GTF3C1: variants seen among roughly 807,000 people sequenced by gnomAD.
The protein encoded by GTF3C1 is general transcription factor 3C polypeptide 1.
A neutral mutation model predicts 226.7 loss-of-function variants in GTF3C1; 57 were observed. That is an observed-to-expected ratio of 0.25 (90% CI 0.20 to 0.31). GTF3C1 has a LOEUF of 0.31. GTF3C1 is among the 10% of genes least tolerant of loss of function. GTF3C1 has a pLI of 1.00. For missense variants in GTF3C1, 2,217 were observed against 2,776.1 expected (o/e 0.80, Z 4.53); for synonymous variants, 1,090 against 1,084.8 (o/e 1.00, Z -0.09).
intron 6 of GTF3C1, 43 bp downstream of exon 6, chr16:27,528,555 G>A: frequency 6.5e-7 from 1 of 1,544,704 alleles, no homozygotes; most frequent in African/African-American, 1.4e-5. Context: ...ACAGAAGTGA[G>A]AGCCAGCCAG....
chr16:27,549,538 G>A (rs867624300), intron 1 of GTF3C1, 132 bp downstream of exon 1: 4 of 626,304 alleles, frequency 6.4e-6, no homozygotes, highest in Non-Finnish European at 1.1e-5. Flanking sequence ...CCTTACCGCC[G>A]TGCCCCAACT....
At chr16:27,519,187 AAAGG>A (rs1410270894) in intron 6 of GTF3C1, among the ~76,000 whole-genome samples, 9 of 152,190 alleles carry the variant, frequency 5.9e-5, no homozygotes, top group Admixed American at 2.0e-4. Context: ...GTTCCAGGCA[AAAGG>A]AAGGGTATGA....
At chr16:27,489,869 G>A (rs1164304012) in intron 19 of GTF3C1, 126 bp from the exon 20 acceptor site, 12 of 842,534 alleles carry the variant, frequency 1.4e-5, no homozygotes, top group African/African-American at 1.7e-5. Context: ...CGGCCACTGC[G>A]GGGGTCTGAG....
chr16:27,538,416 A>T, intron 2 of GTF3C1, 60 bp from the exon 3 acceptor site: 1 of 1,062,894 alleles, frequency 9.4e-7, no homozygotes, highest in Non-Finnish European at 1.4e-6. Flanking sequence ...GAAAACTGAG[A>T]TAAGAAAAAG....
intron 2 of GTF3C1, among the ~76,000 whole-genome samples, chr16:27,540,305 A>G (rs570655069): frequency 2.1e-4 from 32 of 152,404 alleles, no homozygotes; most frequent in African/African-American, 7.2e-4. Flanking sequence ...TACACGACAG[A>G]AAGTCCACTT....
At position 27,486,236 on chromosome 16, in the gene GTF3C1, C is replaced by A. The variant is rs186277800; in HGVS notation, c.3701-82G>T. ...ACTCTGCAGAGGGGCAGGTTCCCTA[C>A]CCAGCCAGTGAGATGTGACTAATGG... is the stretch of plus-strand genomic sequence containing the variant. On this transcript the variant is annotated intron_variant, in intron 23 of 36. Coordinates refer to ENST00000356183, the MANE Select transcript of GTF3C1 (RefSeq NM_001520.4). 7.0e-4 allele frequency: 518 copies of A among 741,756 alleles called. No homozygotes were observed. In the African/African-American group the frequency reaches 7.2e-3, roughly 10 times the overall value. The allele number at this position is 741,756 out of a possible 1,614,324, so 45.9% of individuals were successfully genotyped here.
chr16:27,515,072 C>G (rs747937116), intron 6 of GTF3C1, among the ~76,000 whole-genome samples: 3 of 152,058 alleles, frequency 2.0e-5, no homozygotes, highest in Non-Finnish European at 2.9e-5. Flanking sequence ...AAAATAAACA[C>G]GGGTGGAAGG....
chr16:27,543,204 G>C (rs897449984), intron 2 of GTF3C1, among the ~76,000 whole-genome samples: 2 of 152,174 alleles, frequency 1.3e-5, no homozygotes, highest in African/African-American at 4.8e-5. Context: ...TAGCCAAGAT[G>C]GTGAAACCGA....
At chr16:27,517,616 CAA>C (rs2088679343) in intron 6 of GTF3C1, among the ~76,000 whole-genome samples, 1 of 152,102 alleles carries the variant, frequency 6.6e-6, no homozygotes, top group Admixed American at 6.5e-5. Context: ...ATTAGCAGTC[CAA>C]CACAAAGGAA....
intron 26 of GTF3C1, 51 bp from the exon 27 acceptor site, chr16:27,481,242 G>A: frequency 6.6e-7 from 1 of 1,520,388 alleles, no homozygotes; most frequent in Admixed American, 1.7e-5. Context: ...CCTAAAGGGA[G>A]GTTTTGCTAA....
Position 27,471,657 on chromosome 16 carries a change from G to T in GTF3C1, c.4526+91C>A. ...CTGCGAAGGTCCCTGGCTCCTACAC[G>T]CTTTCATGGCCACAGTGCTTCCTTT... is the stretch of plus-strand genomic sequence containing the variant. On this transcript the variant is annotated intron_variant, in intron 30 of 36. Coordinates refer to ENST00000356183, the MANE Select transcript of GTF3C1 (RefSeq NM_001520.4). This position sits in a 1 kb window ranked among gnomAD's most constrained non-coding sequence, Gnocchi z 5.0. 1.9e-6 allele frequency: 2 copies of T among 1,049,758 alleles called. No homozygotes were observed. The highest frequency in any genetic ancestry group is 1.4e-6 in the Non-Finnish European group (1 of 694,892). 65.0% of individuals were successfully genotyped at this position (1,049,758 alleles called of 1,614,324 possible). A position where few individuals can be genotyped will look rare whatever the true frequency, so the allele number is the denominator to read the frequency against.
At chr16:27,517,986 T>C (rs2088686244) in intron 6 of GTF3C1, among the ~76,000 whole-genome samples, 1 of 152,166 alleles carries the variant, frequency 6.6e-6, no homozygotes, top group Non-Finnish European at 1.5e-5. Flanking sequence ...GTTTCTCCCA[T>C]TCCCAGTGAA....
At chr16:27,474,621 C>T (rs555605138) in intron 29 of GTF3C1, among the ~76,000 whole-genome samples, 3 of 152,246 alleles carry the variant, frequency 2.0e-5, no homozygotes, top group Admixed American at 6.5e-5. Context: ...AAGCGTGAGA[C>T]CAATAAAATA....
chr16:27,535,574 T>TA (rs200346693), intron 4 of GTF3C1, among the ~76,000 whole-genome samples: 3,746 of 70,580 alleles, frequency 0.053, 108 homozygotes, highest in East Asian at 0.23. Context: ...GACTGTCAAA[T>TA]AAAAAAAAAA....
Position 27,461,024 on chromosome 16 carries a change from G to A in GTF3C1, c.*326C>T, listed in dbSNP as rs371606538. On this transcript the variant is annotated 3_prime_UTR_variant, in exon 37 of 37. Transcript: ENST00000356183. This position sits in a 1 kb window ranked among gnomAD's most constrained non-coding sequence, Gnocchi z 5.3. ...AGGAGCCAGGAGATCCTGCCGAGAT[G>A]GCTAGAGTCTGGAATGTGAGGTGTG... 297 of 245,438 alleles carry A rather than the reference G, an allele frequency of 1.2e-3. 7 individuals carry two copies. In the South Asian group the frequency reaches 0.033, roughly 27 times the overall value. 15.2% of individuals were successfully genotyped at this position (245,438 alleles called of 1,614,324 possible).
intron 1 of GTF3C1, among the ~76,000 whole-genome samples, chr16:27,548,320 T>A (rs1158213780): frequency 6.6e-6 from 1 of 152,154 alleles, no homozygotes; most frequent in Non-Finnish European, 1.5e-5. Flanking sequence ...CAGGCTGGAG[T>A]GCAATGGCTG....
Position 27,461,373 on chromosome 16 carries a change from A to G in GTF3C1, c.6307T>C (p.Trp2103Arg). ...LGRVFPHEVN[W>R]NKWIHL is the part of the protein sequence containing the mutation. ...TCCTAGAGGTGGATCCACTTGTTCCAGTTGACCTCGTGGGGGAACACACGG... is the reference window on the plus strand; with the variant it reads ...TCCTAGAGGTGGATCCACTTGTTCCGGTTGACCTCGTGGGGGAACACACGG... Residue 2103 changes from tryptophan to arginine, a missense_variant, in exon 37 of 37, where the codon TGG (tryptophan) becomes CGG (arginine). By Grantham distance (101) the Trp-to-Arg change is moderately radical. This residue lies in a region of GTF3C1 where 153 missense variants were observed against 199.8 expected (regional missense o/e 0.77). Coordinates refer to ENST00000356183, the MANE Select transcript of GTF3C1 (RefSeq NM_001520.4). This position sits in a 1 kb window ranked among gnomAD's most constrained non-coding sequence, Gnocchi z 5.3. The G allele has an allele frequency of 6.2e-7, 1 of 1,612,208 alleles. No individual in the cohort carries two copies.
chr16:27,508,772 C>A (rs1596642398), intron 7 of GTF3C1, 117 bp from the exon 8 acceptor site: 1 of 712,188 alleles, frequency 1.4e-6, no homozygotes, highest in Admixed American at 2.4e-5. Flanking sequence ...ACAGACAGAA[C>A]AAAACATACG....
Position 27,489,027 on chromosome 16 carries a change from T to C in GTF3C1, c.3429+16A>G, listed in dbSNP as rs754732676. The C allele has an allele frequency of 1.9e-6, 3 of 1,611,920 alleles. No homozygotes were observed. The highest frequency in any genetic ancestry group is 1.3e-5 in the African/African-American group (1 of 74,856). Reference sequence around the variant, plus strand: ...GAGGACCCCTGAGATTGTAGTCCGGTGTGACGCACACCCACCTTTTTGGCC... The same window carrying C: ...GAGGACCCCTGAGATTGTAGTCCGGCGTGACGCACACCCACCTTTTTGGCC... On this transcript the variant is annotated intron_variant, in intron 21 of 36. Transcript: ENST00000356183.
Sources: gnomAD v4.1 joint callset for allele counts (sites outside exome capture counted in the v4.1 genomes callset) on GRCh38, gnomAD v4.1.1 for gene constraint, gnomAD v4.1.1 regional missense constraint, Gnocchi (gnomAD v3.1) non-coding constraint, MANE v1.5 for transcripts, NCBI Gene and HGNC (gene_info 2026-07-23, HGNC 2026-07-21) for gene names.